The following CWC27 variants were observed in gnomAD, a reference collection of about 807,000 sequenced individuals.
CWC27 encodes the protein CWC27 spliceosome associated cyclophilin, also known as spliceosome-associated protein CWC27 homolog.
CWC27 carries 47 observed loss-of-function variants against 63.6 expected under a neutral mutation model. That is an observed-to-expected ratio of 0.74 (90% CI 0.58 to 0.94). The LOEUF is 0.94. CWC27 is among the 40% of genes least tolerant of loss of function. CWC27 has a pLI of 0.00. For synonymous variants in CWC27, 175 were observed against 179.8 expected (o/e 0.97, Z 0.22); for missense variants, 495 against 554.3 (o/e 0.89, Z 1.07).
At chr5:64,827,703 C>G (rs1461705069) in intron 10 of CWC27, among the ~76,000 whole-genome samples, 1 of 152,066 alleles carries the variant, frequency 6.6e-6, no homozygotes, top group African/African-American at 2.4e-5. Flanking sequence ...ATATCATATT[C>G]TCTTTTTCTG....
intron 7 of CWC27, among the ~76,000 whole-genome samples, chr5:64,792,089 A>G (rs1248376075): frequency 3.9e-5 from 6 of 152,060 alleles, no homozygotes; most frequent in Non-Finnish European, 7.4e-5. Context: ...CTGTCTCTTT[A>G]CTATAGAAAT....
chr5:64,870,841 CACAA>C (rs1746654749), intron 10 of CWC27, among the ~76,000 whole-genome samples: 2 of 152,082 alleles, frequency 1.3e-5, no homozygotes, highest in Admixed American at 1.3e-4. Flanking sequence ...CACATATATT[CACAA>C]ACATACAATT....
chr5:64,948,681 A>C (rs1748642979), intron 11 of CWC27, among the ~76,000 whole-genome samples: 1 of 152,062 alleles, frequency 6.6e-6, no homozygotes, highest in African/African-American at 2.4e-5. Context: ...AATAATTAAT[A>C]ATCATAATTT....
At chr5:64,994,678 A>T (rs1486389849) in intron 13 of CWC27, among the ~76,000 whole-genome samples, 1 of 151,962 alleles carries the variant, frequency 6.6e-6, no homozygotes, top group East Asian at 1.9e-4. Context: ...CCACTTTCTG[A>T]TTTCTATCAG....
chr5:64,844,054 A>G (rs1745912206), intron 10 of CWC27, among the ~76,000 whole-genome samples: 1 of 152,160 alleles, frequency 6.6e-6, no homozygotes, highest in African/African-American at 2.4e-5. Flanking sequence ...AACCTGAATT[A>G]GAAGTGTAAG....
chr5:64,804,579 G>T, intron 10 of CWC27, 193 bp downstream of exon 10: 2 of 503,266 alleles, frequency 4.0e-6, no homozygotes, highest in African/African-American at 1.9e-5. Context: ...ACATAACAAT[G>T]ATCCTATGAG....
At chr5:64,950,747 T>A (rs1269161248) in intron 11 of CWC27, among the ~76,000 whole-genome samples, 1 of 151,964 alleles carries the variant, frequency 6.6e-6, no homozygotes, top group African/African-American at 2.4e-5. Context: ...AGGACATTTC[T>A]ATTGTCCCTC....
chr5:64,907,090 T>A (rs1212158922), intron 11 of CWC27, among the ~76,000 whole-genome samples: 2 of 152,208 alleles, frequency 1.3e-5, no homozygotes, highest in African/African-American at 4.8e-5. Context: ...TAGTTTGAAG[T>A]AAGGTAGCAT....
At chr5:64,905,824 C>T (rs1238445975) in intron 11 of CWC27, among the ~76,000 whole-genome samples, 1 of 152,094 alleles carries the variant, frequency 6.6e-6, no homozygotes, top group East Asian at 1.9e-4. Flanking sequence ...GCTGTGCCTC[C>T]CCCTGTCTCC....
At chr5:64,831,698 G>A (rs531385753) in intron 10 of CWC27, among the ~76,000 whole-genome samples, 5 of 151,818 alleles carry the variant, frequency 3.3e-5, no homozygotes, top group African/African-American at 9.7e-5. Context: ...ACCTGCTCAT[G>A]TACCCCTTGA....
intron 11 of CWC27, among the ~76,000 whole-genome samples, chr5:64,954,745 A>G (rs34047160): frequency 6.9e-6 from 1 of 145,906 alleles, no homozygotes; most frequent in Non-Finnish European, 1.5e-5. Context: ...ACCACAAGCC[A>G]CAAGCACTAT....
chr5:65,004,230 C>A (rs947393450), intron 13 of CWC27, among the ~76,000 whole-genome samples: 2 of 152,148 alleles, frequency 1.3e-5, no homozygotes, highest in African/African-American at 4.8e-5. Context: ...TTCCTTCCTT[C>A]CTATGCCTCT....
intron 10 of CWC27, chr5:64,808,483 C>G (rs1472672598): frequency 8.0e-6 from 3 of 373,652 alleles, no homozygotes; most frequent in Non-Finnish European, 1.1e-5. Context: ...ACATTTGTAT[C>G]TCCATGTTCA....
chr5:64,786,682 A>C, intron 6 of CWC27, 55 bp downstream of exon 6: 1 of 1,037,476 alleles, frequency 9.6e-7, no homozygotes, highest in Non-Finnish European at 1.4e-6. Context: ...TCATTCATTT[A>C]GTTTACTATA....
intron 2 of CWC27, among the ~76,000 whole-genome samples, chr5:64,776,880 G>T (rs1268732141): frequency 6.6e-6 from 1 of 152,018 alleles, no homozygotes; most frequent in Admixed American, 6.5e-5. Context: ...CATAGCCAAA[G>T]GATGGTTTAT....
At chr5:64,924,935 T>G (rs1748076064) in intron 11 of CWC27, among the ~76,000 whole-genome samples, 1 of 150,126 alleles carries the variant, frequency 6.7e-6, no homozygotes, top group Non-Finnish European at 1.5e-5. Context: ...TGATGTACTC[T>G]TTCCCTCTCT....
At chr5:65,013,383 C>A (rs1749995701) in intron 13 of CWC27, among the ~76,000 whole-genome samples, 1 of 152,180 alleles carries the variant, frequency 6.6e-6, no homozygotes, top group Non-Finnish European at 1.5e-5. Flanking sequence ...ACAGGCCTGA[C>A]CAGTACAAAG....
intron 10 of CWC27, among the ~76,000 whole-genome samples, chr5:64,814,119 G>A (rs781683503): frequency 6.6e-6 from 1 of 151,358 alleles, no homozygotes; most frequent in African/African-American, 2.4e-5. Context: ...ATTAGTGTTA[G>A]GGTATTTTAT....
At position 64,861,269 on chromosome 5, in the gene CWC27, C is replaced by A. The variant is rs538479235; in HGVS notation, c.939-24174C>A. 2.8e-3 allele frequency among the ~76,000 whole-genome samples: 418 copies of A among 151,242 alleles called. 3 individuals are homozygous for A. Among genetic ancestry groups the A allele is most frequent in the Non-Finnish European group, 4.6e-3 (309 of 67,792 alleles). ...CCTCTTCTTATTTTTTTTTTTCACT[C>A]ACCACCATACTAATAAGGATCAAGC... is the stretch of plus-strand genomic sequence containing the variant. On this transcript the variant is annotated intron_variant, in intron 10 of 13. Transcript: ENST00000381070.
Sources: gnomAD v4.1 joint callset for allele counts (sites outside exome capture counted in the v4.1 genomes callset) on GRCh38, gnomAD v4.1.1 for gene constraint, MANE v1.5 for transcripts, NCBI Gene and HGNC (gene_info 2026-07-23, HGNC 2026-07-21) for gene names.